Variants in FHIT observed in about 807,000 individuals in gnomAD.
The protein encoded by FHIT is fragile histidine triad diadenosine triphosphatase.
A neutral mutation model predicts 17.9 loss-of-function variants in FHIT; 19 were observed. The ratio of observed to expected loss-of-function variants is 1.06; its 90% CI spans 0.74 to 1.56. FHIT has a LOEUF of 1.56. Ranked by LOEUF, FHIT falls within the 40% of genes most tolerant of loss-of-function variation. FHIT has a pLI of 0.00. For missense variants in FHIT, 248 were observed against 189.2 expected, an observed-to-expected ratio of 1.31 and a Z score of -1.82; for synonymous variants, 81 against 69.7, an observed-to-expected ratio of 1.16 and a Z score of -0.81.
chr3:60,071,002 T>C (rs1243594559), intron 5 of FHIT, among the ~76,000 whole-genome samples: 1 of 151,936 alleles, frequency 6.6e-6, no homozygotes, highest in African/African-American at 2.4e-5. Flanking sequence ...AGAAGAGAAA[T>C]CTCTGTCAAA....
Position 60,927,520 on chromosome 3 carries a change from A to T in FHIT, c.-110-105509T>A, listed in dbSNP as rs528109890. Among the ~76,000 whole-genome samples the T allele has an allele frequency of 2.6e-4, 39 of 150,658 alleles. 1 individual carries two copies. The highest frequency in any genetic ancestry group is 9.2e-4 in the Admixed American group (14 of 15,148). ...TGAGGAGCACCTCTTCCTGGCCTTCACCCCGTGTAGGAAGTGAGGAGCGTC... is the reference window on the plus strand; with the variant it reads ...TGAGGAGCACCTCTTCCTGGCCTTCTCCCCGTGTAGGAAGTGAGGAGCGTC... On this transcript the variant is annotated intron_variant, in intron 3 of 9. Transcript: ENST00000492590.
At chr3:60,783,817 T>C (rs187881936) in intron 4 of FHIT, among the ~76,000 whole-genome samples, 2 of 152,296 alleles carry the variant, frequency 1.3e-5, no homozygotes, top group Non-Finnish European at 2.9e-5. Context: ...GCACACAGGC[T>C]CTGGGGAGAG....
intron 2 of FHIT, among the ~76,000 whole-genome samples, chr3:61,110,245 T>C (rs541436213): frequency 6.7e-4 from 102 of 152,272 alleles, no homozygotes; most frequent in Non-Finnish European, 1.1e-3. Flanking sequence ...CAGGCCTCCA[T>C]GCTTTCCTCA....
intron 3 of FHIT, among the ~76,000 whole-genome samples, chr3:60,838,399 G>A (rs1317649249): frequency 1.3e-5 from 2 of 152,176 alleles, no homozygotes; most frequent in Non-Finnish European, 2.9e-5. Flanking sequence ...TTGAACCCGG[G>A]AGGCAGAGCT....
intron 4 of FHIT, among the ~76,000 whole-genome samples, chr3:60,737,144 G>A (rs2042149414): frequency 6.6e-6 from 1 of 152,110 alleles, no homozygotes; most frequent in Admixed American, 6.5e-5. Flanking sequence ...AGCCTGGCCA[G>A]GAATATTATT....
intron 5 of FHIT, among the ~76,000 whole-genome samples, chr3:60,248,269 G>C (rs563984247): frequency 6.6e-6 from 1 of 152,234 alleles, no homozygotes; most frequent in African/African-American, 2.4e-5. Flanking sequence ...TTTGTTTTCA[G>C]AAATAATATT....
intron 7 of FHIT, among the ~76,000 whole-genome samples, chr3:59,935,735 G>C (rs1056675920): frequency 1.3e-5 from 2 of 151,994 alleles, no homozygotes; most frequent in African/African-American, 2.4e-5. Context: ...GGGTAGCTAG[G>C]TACATGAGTG....
At chr3:60,501,640 G>C (rs1376904817) in intron 5 of FHIT, among the ~76,000 whole-genome samples, 1 of 152,180 alleles carries the variant, frequency 6.6e-6, no homozygotes, top group East Asian at 1.9e-4. Context: ...AATCATGGCA[G>C]AGTCCGGAAT....
chr3:59,829,461 A>G (rs1423330803), intron 8 of FHIT, among the ~76,000 whole-genome samples: 1 of 152,194 alleles, frequency 6.6e-6, no homozygotes, highest in Non-Finnish European at 1.5e-5. Flanking sequence ...GAAAACATGT[A>G]AATCTCAGCC....
Position 60,831,951 on chromosome 3 carries a change from A to C in FHIT, c.-110-9940T>G, listed in dbSNP as rs570726324. On this transcript the variant is annotated intron_variant, in intron 3 of 9. Transcript: ENST00000492590. Reference sequence around the variant, plus strand: ...AAAAAAATCTCAGGTTTTTGAAGTGACTTTGTAGCCCAGTTGAGCAGCTTC... The same window carrying C: ...AAAAAAATCTCAGGTTTTTGAAGTGCCTTTGTAGCCCAGTTGAGCAGCTTC... 2.8e-4 allele frequency among the ~76,000 whole-genome samples: 43 copies of C among 152,250 alleles called. 2 individuals are homozygous for C. The South Asian group carries it at 8.7e-3, about 31-fold the overall frequency.
At chr3:60,039,990 A>T (rs550158657) in intron 5 of FHIT, among the ~76,000 whole-genome samples, 11 of 152,340 alleles carry the variant, frequency 7.2e-5, no homozygotes, top group Non-Finnish European at 1.6e-4. Context: ...TATGCCAGGT[A>T]TGATATGGTA....
Position 60,596,466 on chromosome 3 carries a change from C to T in FHIT, c.-17-59487G>A, listed in dbSNP as rs1194171407. On this transcript the variant is annotated intron_variant, in intron 4 of 9. Coordinates refer to ENST00000492590, the MANE Select transcript of FHIT (RefSeq NM_002012.4). ...CTCTTTTATCATCCCTCAGTCTCAT[C>T]TGCAATGGAAACATGACCTAATCTC... 1.5e-4 allele frequency among the ~76,000 whole-genome samples: 23 copies of T among 152,282 alleles called. No homozygotes were observed. The East Asian group carries it at 4.5e-3, about 29-fold the overall frequency.
At chr3:60,174,711 C>A (rs1452755707) in intron 5 of FHIT, among the ~76,000 whole-genome samples, 1 of 151,104 alleles carries the variant, frequency 6.6e-6, no homozygotes, top group Non-Finnish European at 1.5e-5. Flanking sequence ...CACTCAGTGG[C>A]ATTTATTAAT....
At chr3:60,401,282 G>C (rs537588370) in intron 5 of FHIT, among the ~76,000 whole-genome samples, 2 of 152,178 alleles carry the variant, frequency 1.3e-5, no homozygotes, top group African/African-American at 4.8e-5. Context: ...GCTCATGAAA[G>C]ACAGCTGTGC....
intron 5 of FHIT, among the ~76,000 whole-genome samples, chr3:60,467,971 C>G (rs2032890022): frequency 6.6e-6 from 1 of 152,032 alleles, no homozygotes; most frequent in African/African-American, 2.4e-5. Context: ...TATATGAGTG[C>G]TCCAGTGTTG....
intron 2 of FHIT, among the ~76,000 whole-genome samples, chr3:61,175,709 T>C (rs1001778108): frequency 6.6e-6 from 1 of 152,068 alleles, no homozygotes; most frequent in Non-Finnish European, 1.5e-5. Context: ...CCTCCTGCCA[T>C]GTGAGGACAT....
chr3:60,194,825 T>C (rs534410139), intron 5 of FHIT, among the ~76,000 whole-genome samples: 1 of 151,850 alleles, frequency 6.6e-6, no homozygotes, highest in Non-Finnish European at 1.5e-5. Context: ...CCACCAAACA[T>C]GAAAAAAATG....
chr3:60,094,382 T>A (rs1004705787), intron 5 of FHIT, among the ~76,000 whole-genome samples: 5 of 152,102 alleles, frequency 3.3e-5, no homozygotes, highest in African/African-American at 1.2e-4. Context: ...GAACAGCTTA[T>A]GAAACTCACA....
chr3:61,123,551 TTA>T (rs1491419522), intron 2 of FHIT, among the ~76,000 whole-genome samples: 2 of 139,662 alleles, frequency 1.4e-5, no homozygotes, highest in Non-Finnish European at 1.6e-5. Flanking sequence ...AAAAATTGTA[TTA>T]AGTGATAAGA....
Sources: allele counts gnomAD v4.1 joint callset (sites outside exome capture counted in the v4.1 genomes callset), GRCh38; gene constraint gnomAD v4.1.1; transcripts MANE v1.5; gene names NCBI Gene and HGNC (gene_info 2026-07-23, HGNC 2026-07-21).